Variants in VPS35 observed in about 807,000 individuals in gnomAD.
VPS35 encodes VPS35 retromer complex component.
A neutral mutation model predicts 98.1 loss-of-function variants in VPS35; 21 were observed. That is an observed-to-expected ratio of 0.21 (90% confidence interval 0.15 to 0.31). VPS35 has a LOEUF of 0.31. Ranked by LOEUF, VPS35 falls within the 10% of genes least tolerant of loss-of-function variation. The pLI is 1.00. For synonymous variants in VPS35, 268 were observed against 318.2 expected (o/e 0.84, Z 1.68); for missense variants, 554 against 950.8 (o/e 0.58, Z 5.49).
At chr16:46,680,335 C>T (rs700583) in intron 5 of VPS35, among the ~76,000 whole-genome samples, 148,810 of 152,366 alleles carry the variant, frequency 0.98, 72,753 homozygotes, top group East Asian at 1. Context: ...CTGGCTCACA[C>T]TTTATTATTT....
Position 46,686,058 on chromosome 16 carries a change from G to A in VPS35, c.4-2452C>T, listed in dbSNP as rs116740454. ...ACTGTAGCCATTAAACTCCCATTCC[G>A]AACCCCCAGGCAATTCTACCTTCTT... On this transcript the variant is annotated intron_variant, in intron 1 of 16. Coordinates refer to ENST00000299138, the MANE Select transcript of VPS35 (RefSeq NM_018206.6). Among the ~76,000 whole-genome samples the A allele has an allele frequency of 7.9e-3, 1,202 of 151,800 alleles. 18 individuals carry two copies. The highest frequency in any genetic ancestry group is 0.028 in the African/African-American group (1,140 of 41,374).
intron 13 of VPS35, among the ~76,000 whole-genome samples, chr16:46,664,470 G>A (rs963750757): frequency 6.7e-6 from 1 of 148,740 alleles, no homozygotes. Context: ...ATTTTCTTGA[G>A]AGTTAAAATC....
chr16:46,688,921 G>C, intron 1 of VPS35: 1 of 1,460,358 alleles, frequency 6.8e-7, no homozygotes, highest in Non-Finnish European at 9.0e-7. Context: ...AGCAACGGCC[G>C]CAGCCAAGAG....
Position 46,674,582 on chromosome 16 carries a change from C to A in VPS35, c.993G>T (p.Gln331His), listed in dbSNP as rs1483697832. 2 of 1,611,666 alleles carry A rather than the reference C, an allele frequency of 1.2e-6. No individual in the cohort carries two copies. The highest frequency in any genetic ancestry group is 1.7e-6 in the Non-Finnish European group (2 of 1,178,938). The change falls in exon 9 of 17, where the codon CAG becomes CAT. Residue 331 changes from glutamine (Q) to histidine (H), a missense_variant. Transcript: ENST00000299138. ...DIKLFDIFSQ[Q>H]VATVIQSRQD... ...CACAAACCTGTATCACTGTAGCCAC[C>A]TGCTGTGAAAATATATCAAAAAGTT...
chr16:46,671,865 A>G lies in VPS35; in HGVS notation c.1369-5T>C, dbSNP rs1433987232. Reference sequence around the variant, plus strand: ...CAAATTCATTATGGAATCCACCTGTAACATGCGAGGCACAAGAAACCCACT... The same window carrying G: ...CAAATTCATTATGGAATCCACCTGTGACATGCGAGGCACAAGAAACCCACT... On this transcript the variant is annotated splice_polypyrimidine_tract_variant and splice_region_variant and intron_variant, in intron 11 of 16. Coordinates refer to ENST00000299138, the MANE Select transcript of VPS35 (RefSeq NM_018206.6). The G allele has an allele frequency of 2.5e-6, 4 of 1,612,224 alleles. No homozygotes were observed. Among genetic ancestry groups the G allele is most frequent in the South Asian group, 1.1e-5 (1 of 90,976 alleles).
chr16:46,674,784 T>G (rs1315096711), intron 8 of VPS35, 124 bp from the exon 9 acceptor site: 19 of 1,016,986 alleles, frequency 1.9e-5, no homozygotes, highest in Admixed American at 9.7e-5. Context: ...GTTTTTGTTT[T>G]TTTTGTTTTG....
chr16:46,670,201 C>T (rs1237938372), intron 12 of VPS35, among the ~76,000 whole-genome samples: 3 of 152,164 alleles, frequency 2.0e-5, no homozygotes, highest in African/African-American at 7.2e-5. Context: ...TAAGAGAATG[C>T]ATTTCCCCTA....
At chr16:46,667,286 C>A (rs1966003665) in intron 13 of VPS35, among the ~76,000 whole-genome samples, 1 of 152,094 alleles carries the variant, frequency 6.6e-6, no homozygotes, top group Non-Finnish European at 1.5e-5. Flanking sequence ...TATTCAGATC[C>A]TTTGCTCATT....
intron 1 of VPS35, among the ~76,000 whole-genome samples, chr16:46,686,695 G>T (rs2143009482): frequency 6.6e-6 from 1 of 152,290 alleles, no homozygotes; most frequent in Admixed American, 6.5e-5. Flanking sequence ...GTTATAATAT[G>T]AGCACGCTAT....
intron 8 of VPS35, among the ~76,000 whole-genome samples, chr16:46,674,927 G>A (rs2143007852): frequency 6.6e-6 from 1 of 151,826 alleles, no homozygotes; most frequent in African/African-American, 2.4e-5. Context: ...CTGAGTAGCT[G>A]GGGCTAACAG....
rs1479171445 is a variant in VPS35, at chr16:46,660,337, T to TA, written c.*134dup. ...AAGGTGAGTGTCCGGAGGTGCTGGG[T>TA]AAAACACATCACAGGTAAGAAATGG... is the stretch of plus-strand genomic sequence containing the variant. On this transcript the variant is annotated 3_prime_UTR_variant, in exon 17 of 17. Coordinates refer to ENST00000299138, the MANE Select transcript of VPS35 (RefSeq NM_018206.6). The TA allele has an allele frequency of 2.7e-6, 3 of 1,099,594 alleles. No individual in the cohort carries two copies. Among genetic ancestry groups the TA allele is most frequent in the Non-Finnish European group, 4.0e-6 (3 of 742,684 alleles). The allele number at this position is 1,099,594 out of a possible 1,614,324, so 68.1% of individuals were successfully genotyped here. A position where few individuals can be genotyped will look rare whatever the true frequency, so the allele number is the denominator to read the frequency against.
At chr16:46,685,472 T>C (rs1310359444) in intron 1 of VPS35, among the ~76,000 whole-genome samples, 1 of 152,196 alleles carries the variant, frequency 6.6e-6, no homozygotes, top group Non-Finnish European at 1.5e-5. Context: ...TTTTTTTCCC[T>C]ATGAAAAACT....
In VPS35 at chr16:46,672,490, G is replaced by C; in HGVS notation, c.1161-18C>G. 6.2e-7 allele frequency: 1 copy of C among 1,603,618 alleles called. No homozygotes were observed. Among genetic ancestry groups the C allele is most frequent in the Non-Finnish European group, 8.5e-7 (1 of 1,172,468 alleles). On this transcript the variant is annotated intron_variant, in intron 10 of 16. Transcript: ENST00000299138. ...TAGCAATACTACAAAAAGAAAAACAGAAGTCTTAATGAATAAAATTAACTT... is the reference window on the plus strand; with the variant it reads ...TAGCAATACTACAAAAAGAAAAACACAAGTCTTAATGAATAAAATTAACTT...
intron 13 of VPS35, among the ~76,000 whole-genome samples, chr16:46,663,715 T>A (rs537286339): frequency 1.3e-5 from 2 of 150,476 alleles, no homozygotes; most frequent in East Asian, 3.9e-4. Context: ...CTTTCCTTTT[T>A]TTTTTTTCAA....
intron 12 of VPS35, 123 bp from the exon 13 acceptor site, chr16:46,669,175 T>C (rs1567264595): frequency 3.2e-6 from 4 of 1,246,580 alleles, no homozygotes; most frequent in South Asian, 1.3e-5. Flanking sequence ...CCATACTTTA[T>C]GGTAGGCAAT....
chr16:46,688,549 C>T (rs1966360618), intron 1 of VPS35: 1 of 992,992 alleles, frequency 1.0e-6, no homozygotes, highest in South Asian at 4.4e-5. Context: ...TAGAAGACAG[C>T]CTGAGTCCTT....
chr16:46,660,368 C>T lies in VPS35; in HGVS notation c.*104G>A. ...ACATCACAGGTAAGAAATGGGAAAC[C>T]TACCTCAGCATTTCTGAAAGGCACA... On this transcript the variant is annotated 3_prime_UTR_variant, in exon 17 of 17. Transcript: ENST00000299138. 6.9e-7 allele frequency: 1 copy of T among 1,445,286 alleles called. No homozygotes were observed. The highest frequency in any genetic ancestry group is 9.6e-7 in the Non-Finnish European group (1 of 1,041,042). 89.5% of individuals were successfully genotyped at this position (1,445,286 alleles called of 1,614,324 possible). A position where few individuals can be genotyped will look rare whatever the true frequency, so the allele number is the denominator to read the frequency against.
intron 13 of VPS35, among the ~76,000 whole-genome samples, chr16:46,665,590 C>CAA (rs36051331): frequency 0.042 from 6,090 of 143,384 alleles, 220 homozygotes; most frequent in Middle Eastern, 0.11. Flanking sequence ...GACCTTGACT[C>CAA]AAAAAAAAAA....
chr16:46,669,553 G>A (rs1464786671), intron 12 of VPS35, among the ~76,000 whole-genome samples: 3 of 151,798 alleles, frequency 2.0e-5, no homozygotes, highest in African/African-American at 7.3e-5. Context: ...CGTAATCTCA[G>A]CTACTGAGGA....
Sources: gnomAD v4.1 joint callset for allele counts (sites outside exome capture counted in the v4.1 genomes callset) on GRCh38, gnomAD v4.1.1 for gene constraint, MANE v1.5 for transcripts, NCBI Gene and HGNC (gene_info 2026-07-23, HGNC 2026-07-21) for gene names.